The following TMCC1 variants were observed in gnomAD, a reference collection of about 807,000 sequenced individuals.
TMCC1 encodes transmembrane and coiled-coil domain family 1.
In TMCC1, 15 loss-of-function variants were observed where a neutral mutation model predicts 52.4. That is an observed-to-expected ratio of 0.29 (90% CI 0.19 to 0.44). The LOEUF (loss-of-function observed/expected upper bound fraction) is 0.44. Among genes scored for constraint, TMCC1 ranks in the 20% least tolerant of loss-of-function variants. The pLI, the probability that TMCC1 is intolerant of heterozygous loss-of-function variation, is 1.00. For synonymous variants in TMCC1, 279 were observed against 301.9 expected (o/e 0.92, Z 0.79); for missense variants, 503 against 806.0 (o/e 0.62, Z 4.55).
intron 2 of TMCC1, among the ~76,000 whole-genome samples, chr3:129,872,807 A>G (rs1216606293): frequency 6.6e-6 from 1 of 151,918 alleles, no homozygotes; most frequent in East Asian, 1.9e-4. Context: ...ACAATAAAAT[A>G]TTTTTACAGC....
chr3:129,870,890 T>C (rs2060897096), intron 2 of TMCC1, among the ~76,000 whole-genome samples: 1 of 151,510 alleles, frequency 6.6e-6, no homozygotes, highest in African/African-American at 2.4e-5. Flanking sequence ...AACATAGATA[T>C]AATCTGACAG....
intron 2 of TMCC1, among the ~76,000 whole-genome samples, chr3:129,837,879 TGA>T (rs1409061804): frequency 6.6e-6 from 1 of 152,108 alleles, no homozygotes; most frequent in African/African-American, 2.4e-5. Context: ...CAAATGCCTT[TGA>T]GAGGCTTATC....
chr3:129,865,184 C>T lies in TMCC1; in HGVS notation c.-184+15125G>A, dbSNP rs1388255516. On this transcript the variant is annotated intron_variant, in intron 2 of 6. Transcript: ENST00000393238. The stretch of plus-strand genomic sequence containing the variant: ...TAAGATTTGCTCCAGAAAGCTCAGG[C>T]TTCTCATTCATTTTTTTTTCCCTGT... Among the ~76,000 whole-genome samples the T allele has an allele frequency of 3.9e-5, 6 of 152,194 alleles. No homozygotes were observed. In the South Asian group the frequency reaches 1.2e-3, roughly 32 times the overall value.
chr3:129,882,625 T>C (rs1295191706), intron 1 of TMCC1, among the ~76,000 whole-genome samples: 2 of 152,178 alleles, frequency 1.3e-5, no homozygotes, highest in Non-Finnish European at 2.9e-5. Flanking sequence ...GTGTCATATG[T>C]CCATGAACAG....
At chr3:129,695,876 C>T (rs2047382819) in intron 4 of TMCC1, among the ~76,000 whole-genome samples, 1 of 152,108 alleles carries the variant, frequency 6.6e-6, no homozygotes, top group Non-Finnish European at 1.5e-5. Context: ...CCCTACAAAC[C>T]ATAAATTCTC....
chr3:129,885,391 C>T (rs1008054111), intron 1 of TMCC1, among the ~76,000 whole-genome samples: 3 of 151,996 alleles, frequency 2.0e-5, no homozygotes, highest in Middle Eastern at 3.4e-3. Context: ...AGTTCAAGAC[C>T]GGCCTGACCA....
Position 129,653,568 on chromosome 3 carries a change from T to C in TMCC1, c.1647+1400A>G, listed in dbSNP as rs181351654. ...AGGCCATTCTTCTGCCTCAGCCTCC[T>C]GAGTAGCTGGGACTACAGGTGCCCG... On this transcript the variant is annotated intron_variant, in intron 6 of 6. Transcript: ENST00000393238. Among the ~76,000 whole-genome samples the C allele has an allele frequency of 1.1e-3, 173 of 152,286 alleles. 1 individual carries two copies. The highest frequency in any genetic ancestry group is 3.9e-3 in the African/African-American group (161 of 41,562).
At chr3:129,877,515 G>C (rs1050433748) in intron 2 of TMCC1, among the ~76,000 whole-genome samples, 1 of 151,852 alleles carries the variant, frequency 6.6e-6, no homozygotes, top group Non-Finnish European at 1.5e-5. Flanking sequence ...CAGCTTTCTG[G>C]ATTTAAATAT....
At chr3:129,781,025 T>C (rs1312604591) in intron 4 of TMCC1, among the ~76,000 whole-genome samples, 2 of 152,206 alleles carry the variant, frequency 1.3e-5, no homozygotes, top group Admixed American at 6.5e-5. Flanking sequence ...CAGATACAGA[T>C]ACAGTTTCAT....
In TMCC1 at chr3:129,671,266, T is replaced by C. The variant is rs766021337; in HGVS notation, c.577-2A>G. The C allele has an allele frequency of 6.2e-7, 1 of 1,602,476 alleles. No homozygotes were observed. The highest frequency in any genetic ancestry group is 8.5e-7 in the Non-Finnish European group (1 of 1,173,394). On this transcript the variant is annotated splice_acceptor_variant, in intron 4 of 6. Transcript: ENST00000393238. LOFTEE classifies it high-confidence loss of function. ...GCTGCTTACTTCCAACCGTTCGATC[T>C]AGTGTAAAAACAAGAGGTACATGTT... is the stretch of plus-strand genomic sequence containing the variant.
intron 4 of TMCC1, among the ~76,000 whole-genome samples, chr3:129,800,327 T>G (rs1045499841): frequency 6.6e-6 from 1 of 152,230 alleles, no homozygotes; most frequent in Admixed American, 6.5e-5. Context: ...TAGCATATTT[T>G]TCTTGGGTAT....
intron 4 of TMCC1, among the ~76,000 whole-genome samples, chr3:129,680,336 T>A (rs193271924): frequency 3.2e-4 from 49 of 152,266 alleles, no homozygotes; most frequent in Admixed American, 2.2e-3. Context: ...CTGGTACAAA[T>A]CTAAATGCTT....
chr3:129,705,899 C>T (rs1441545139), intron 4 of TMCC1, among the ~76,000 whole-genome samples: 1 of 145,566 alleles, frequency 6.9e-6, no homozygotes, highest in Non-Finnish European at 1.5e-5. Context: ...GCCTTTTTTT[C>T]TTTTTTTTTG....
At chr3:129,865,413 A>G (rs372389220) in intron 2 of TMCC1, among the ~76,000 whole-genome samples, 22 of 152,084 alleles carry the variant, frequency 1.4e-4, no homozygotes, top group African/African-American at 5.3e-4. Flanking sequence ...AGACTCCCAA[A>G]GTGCTGGGAT....
At chr3:129,731,794 G>A (rs2050566644) in intron 4 of TMCC1, among the ~76,000 whole-genome samples, 3 of 151,964 alleles carry the variant, frequency 2.0e-5, no homozygotes, top group South Asian at 4.2e-4. Context: ...CTAGTTTTTC[G>A]TATTTTTTTT....
chr3:129,726,882 A>AAAAAAAAAAAAAAAAAAAAAG (rs2050139948), intron 4 of TMCC1, among the ~76,000 whole-genome samples: 1 of 139,500 alleles, frequency 7.2e-6, no homozygotes, highest in Admixed American at 7.3e-5. Flanking sequence ...AAAAAAAAAA[A>AAAAAAAAAAAAAAAAAAAAAG]AAAAAAAAAA....
intron 2 of TMCC1, among the ~76,000 whole-genome samples, chr3:129,835,939 CA>C (rs1283834773): frequency 1.3e-5 from 2 of 151,926 alleles, no homozygotes; most frequent in Non-Finnish European, 2.9e-5. Flanking sequence ...TCAGTAATTA[CA>C]TTAAATGTAA....
At chr3:129,860,567 T>C (rs2060342344) in intron 2 of TMCC1, among the ~76,000 whole-genome samples, 1 of 152,186 alleles carries the variant, frequency 6.6e-6, no homozygotes, top group African/African-American at 2.4e-5. Flanking sequence ...TTCTGAATTA[T>C]ACTTATCTAA....
intron 4 of TMCC1, among the ~76,000 whole-genome samples, chr3:129,793,609 A>C (rs1024155528): frequency 1.3e-5 from 2 of 152,168 alleles, no homozygotes; most frequent in Admixed American, 6.5e-5. Context: ...TTCTGCACTA[A>C]ATGACTGGGT....
Sources: gnomAD v4.1 joint callset for allele counts (sites outside exome capture counted in the v4.1 genomes callset) on GRCh38, gnomAD v4.1.1 for gene constraint, MANE v1.5 for transcripts, NCBI Gene and HGNC (gene_info 2026-07-23, HGNC 2026-07-21) for gene names.